The following DSE variants were observed in gnomAD, a reference collection of about 807,000 sequenced individuals.
The protein encoded by DSE is dermatan sulfate epimerase.
A neutral mutation model predicts 84.4 loss-of-function variants in DSE; 36 were observed. The observed-to-expected ratio is 0.43, with a 90% confidence interval of 0.33 to 0.56. The LOEUF is 0.56. DSE is among the 20% of genes least tolerant of loss of function. DSE has a pLI of 0.06. For missense variants in DSE, 862 were observed against 1,169.6 expected (o/e 0.74, Z 3.84); for synonymous variants, 410 against 430.1 (o/e 0.95, Z 0.58).
intron 2 of DSE, among the ~76,000 whole-genome samples, chr6:116,305,606 T>A (rs945650853): frequency 1.3e-5 from 2 of 152,176 alleles, no homozygotes; most frequent in African/African-American, 4.8e-5. Context: ...CTGAGTTTGA[T>A]AATTATACCG....
At position 116,426,840 on chromosome 6, in the gene DSE, A is replaced by G; in HGVS notation, c.670+13A>G. The G allele has an allele frequency of 6.2e-7, 1 of 1,600,516 alleles. No homozygotes were observed. The highest frequency in any genetic ancestry group is 8.5e-7 in the Non-Finnish European group (1 of 1,170,150). On this transcript the variant is annotated intron_variant, in intron 3 of 5. Coordinates refer to ENST00000644252, the MANE Select transcript of DSE (RefSeq NM_013352.4). ...CTGATGAATCAAGGTGGGTGTGGAC[A>G]CAGCCAAGGTGATGCCTGAGCTGAC...
chr6:116,375,307 G>A (rs750551182), intron 1 of DSE, among the ~76,000 whole-genome samples: 7 of 147,374 alleles, frequency 4.7e-5, no homozygotes, highest in Non-Finnish European at 7.5e-5. Flanking sequence ...TAGGAAATAT[G>A]CTTTTAAAAA....
chr6:116,263,332 TACTG>T (rs1485599896), intron 2 of DSE, among the ~76,000 whole-genome samples: 1 of 151,918 alleles, frequency 6.6e-6, no homozygotes, highest in Admixed American at 6.6e-5. Flanking sequence ...TTGAACTGAA[TACTG>T]TTTTGCCATT....
chr6:116,322,305 A>C (rs990802997), intron 2 of DSE, among the ~76,000 whole-genome samples: 1 of 152,000 alleles, frequency 6.6e-6, no homozygotes, highest in South Asian at 2.1e-4. Context: ...TGTGGATTTC[A>C]TTTCTGCCTT....
chr6:116,287,389 C>T (rs1358113263), intron 2 of DSE, among the ~76,000 whole-genome samples: 1 of 151,922 alleles, frequency 6.6e-6, no homozygotes, highest in Non-Finnish European at 1.5e-5. Flanking sequence ...TGTCTAAAGC[C>T]TAAAAGAGTT....
rs915363780 is a variant in DSE at position 116,438,443 on chromosome 6, G to C, written c.*1098G>C. On this transcript the variant is annotated 3_prime_UTR_variant, in exon 6 of 6. Transcript: ENST00000644252. The stretch of plus-strand genomic sequence containing the variant: ...TCTCTGCTTATTAACCTTAATTGTT[G>C]TTTAAGCATATTTTAAATATTTAAA... The C allele has an allele frequency of 6.6e-6, 1 of 152,020 alleles. No individual in the cohort carries two copies. The highest frequency in any genetic ancestry group is 1.5e-5 in the Non-Finnish European group (1 of 67,952). 9.4% of individuals were successfully genotyped at this position (152,020 alleles called of 1,614,324 possible).
At position 116,348,218 on chromosome 6, in the gene DSE, G is replaced by C. The variant is rs150176158; in HGVS notation, c.-53-50980G>C. On this transcript the variant is annotated intron_variant, in intron 2 of 3. Coordinates refer to the DSE transcript ENST00000430252. ...CAAAGCGGGTGGATTGTGAGGTCAG[G>C]AGATCAAGACCATCCTGGCTAACAC... 6.8e-3 allele frequency among the ~76,000 whole-genome samples: 1,038 copies of C among 152,274 alleles called. 21 individuals carry two copies. Among genetic ancestry groups the C allele is most frequent in the South Asian group, 0.054 (259 of 4,830 alleles).
chr6:116,366,440 T>A (rs1779167484), upstream of DSE: 1 of 152,226 alleles, frequency 6.6e-6, no homozygotes, highest in Non-Finnish European at 1.5e-5. Context: ...TACTAAATGT[T>A]ACACTCCTTT....
At chr6:116,371,600 T>C (rs1411903826) in intron 1 of DSE, among the ~76,000 whole-genome samples, 2 of 152,098 alleles carry the variant, frequency 1.3e-5, no homozygotes. Context: ...TGTGTGCAGA[T>C]CCTGGCGCTG....
exon 1 of DSE, chr6:116,254,226 C>G: frequency 1.4e-6 from 1 of 710,202 alleles, no homozygotes; most frequent in African/African-American, 1.7e-5. Context: ...CTTCTTGTCA[C>G]AAAAAGAATT....
chr6:116,279,237 T>C (rs1773327624), intron 2 of DSE: 5 of 1,608,974 alleles, frequency 3.1e-6, no homozygotes, highest in Non-Finnish European at 4.2e-6. Context: ...TTTCTTCACC[T>C]TCTGGCGGCT....
rs749603809 is a variant in DSE, at chr6:116,436,942, T to C, written c.2474T>C (p.Ile825Thr). ...RYKFVDAVPD[I>T]FAQIEVNEKK... ...AAATTTGTGGATGCTGTCCCTGATA[T>C]TTTTGCACAGATTGAAGTCAATGAG... Residue 825 changes from isoleucine to threonine, a missense_variant, in exon 6 of 6, where the codon ATT (isoleucine) becomes ACT (threonine). By Grantham distance (89) the Ile-to-Thr change is moderately conservative. This residue lies in a region of DSE where 315 missense variants were observed against 348.1 expected (regional missense o/e 0.90). Coordinates refer to ENST00000644252, the MANE Select transcript of DSE (RefSeq NM_013352.4). The C allele has an allele frequency of 4.3e-6, 7 of 1,613,952 alleles. No homozygotes were observed. The highest frequency in any genetic ancestry group is 8.5e-7 in the Non-Finnish European group (1 of 1,180,006).
intron 1 of DSE, among the ~76,000 whole-genome samples, chr6:116,376,176 C>T (rs906848607): frequency 6.6e-6 from 1 of 152,182 alleles, no homozygotes; most frequent in Non-Finnish European, 1.5e-5. Flanking sequence ...ACCCCCTTTC[C>T]GCAGCCCCGT....
At chr6:116,301,666 G>A (rs141089386) in intron 2 of DSE, among the ~76,000 whole-genome samples, 2 of 152,136 alleles carry the variant, frequency 1.3e-5, no homozygotes, top group East Asian at 3.9e-4. Flanking sequence ...TTTAAGTTCT[G>A]GGGTACATGT....
intron 2 of DSE, among the ~76,000 whole-genome samples, chr6:116,303,927 A>G (rs533461037): frequency 6.6e-6 from 1 of 152,008 alleles, no homozygotes; most frequent in Non-Finnish European, 1.5e-5. Context: ...CAAGGTCAGG[A>G]GATCGAGACC....
At chr6:116,282,333 C>T (rs1006718740) in intron 2 of DSE, among the ~76,000 whole-genome samples, 56 of 152,072 alleles carry the variant, frequency 3.7e-4, no homozygotes, top group African/African-American at 1.3e-3. Flanking sequence ...AAAGTGGAAA[C>T]TTCTATTATT....
At chr6:116,365,292 A>G (rs1021911346) in intron 2 of DSE, among the ~76,000 whole-genome samples, 3 of 149,076 alleles carry the variant, frequency 2.0e-5, no homozygotes, top group South Asian at 2.2e-4. Context: ...GTCTTGCTCT[A>G]TCGCCCAGGC....
intron 2 of DSE, among the ~76,000 whole-genome samples, chr6:116,357,549 AT>A (rs1202876418): frequency 2.6e-5 from 4 of 151,936 alleles, no homozygotes; most frequent in Non-Finnish European, 5.9e-5. Flanking sequence ...AAAAAAAGTT[AT>A]CTTTTTGCAT....
At chr6:116,278,545 G>A in intron 2 of DSE, 1 of 1,614,146 alleles carries the variant, frequency 6.2e-7, no homozygotes, top group Non-Finnish European at 8.5e-7. Flanking sequence ...AAAGGGCCTG[G>A]GGATCTCTAC....
Sources: gnomAD v4.1 joint callset for allele counts (sites outside exome capture counted in the v4.1 genomes callset) on GRCh38, gnomAD v4.1.1 for gene constraint, gnomAD v4.1.1 regional missense constraint, MANE v1.5 for transcripts, NCBI Gene and HGNC (gene_info 2026-07-23, HGNC 2026-07-21) for gene names.